GALNTL6: variants seen among roughly 807,000 people sequenced by gnomAD.
GALNTL6 encodes polypeptide N-acetylgalactosaminyltransferase like 6, also known as polypeptide N-acetylgalactosaminyltransferase-like 6.
A neutral mutation model predicts 73.7 loss-of-function variants in GALNTL6; 46 were observed. The ratio of observed to expected loss-of-function variants is 0.62; its 90% CI spans 0.49 to 0.80. GALNTL6 has a LOEUF of 0.80. Ranked by LOEUF, GALNTL6 falls within the 30% of genes least tolerant of loss-of-function variation. The pLI, the probability that GALNTL6 is intolerant of heterozygous loss-of-function variation, is 0.00. For missense variants in GALNTL6, 604 were observed against 755.0 expected (o/e 0.80, Z 2.34); for synonymous variants, 259 against 263.7 (o/e 0.98, Z 0.17).
chr4:171,844,562 A>G (rs1165850642), intron 2 of GALNTL6, among the ~76,000 whole-genome samples: 3 of 152,146 alleles, frequency 2.0e-5, no homozygotes, highest in Non-Finnish European at 4.4e-5. Context: ...CTTTAGATGA[A>G]GTAGGCTAAT....
At chr4:172,899,302 G>A (rs1183392678) in intron 8 of GALNTL6, among the ~76,000 whole-genome samples, 1 of 152,186 alleles carries the variant, frequency 6.6e-6, no homozygotes, top group Non-Finnish European at 1.5e-5. Context: ...GTAGGCTTCA[G>A]AACATCTAGA....
chr4:171,973,255 G>T (rs1025135804), intron 2 of GALNTL6, among the ~76,000 whole-genome samples: 3 of 152,126 alleles, frequency 2.0e-5, no homozygotes, highest in Non-Finnish European at 4.4e-5. Flanking sequence ...AAAAAAGGAG[G>T]AGGGCGTGTA....
chr4:172,767,877 A>G (rs558029930), intron 5 of GALNTL6, among the ~76,000 whole-genome samples: 1 of 151,808 alleles, frequency 6.6e-6, no homozygotes, highest in Non-Finnish European at 1.5e-5. Context: ...ACCATGTTGA[A>G]CAGGATGATC....
chr4:172,611,858 A>T (rs1278505305), intron 5 of GALNTL6, among the ~76,000 whole-genome samples: 3 of 152,114 alleles, frequency 2.0e-5, no homozygotes. Flanking sequence ...CATAATGCAG[A>T]CAATTGTAGT....
rs141260787 is a variant in GALNTL6, at chr4:173,001,927, T to C, written c.1372-7251T>C. ...GTACATTGCTTGTGGGAATGTAAAATGGTTCAGCTACTGTGGAAAACACTT... is the reference window on the plus strand; with the variant it reads ...GTACATTGCTTGTGGGAATGTAAAACGGTTCAGCTACTGTGGAAAACACTT... On this transcript the variant is annotated intron_variant, in intron 10 of 12. Transcript: ENST00000506823. Among the ~76,000 whole-genome samples the C allele has an allele frequency of 4.2e-3, 640 of 152,302 alleles. 3 individuals carry two copies. Among genetic ancestry groups the C allele is most frequent in the African/African-American group, 0.015 (620 of 41,536 alleles).
intron 5 of GALNTL6, among the ~76,000 whole-genome samples, chr4:172,464,342 G>A (rs1444011773): frequency 1.3e-5 from 2 of 152,130 alleles, no homozygotes; most frequent in African/African-American, 2.4e-5. Flanking sequence ...ACCAGGCACT[G>A]TTCTAAATAT....
intron 2 of GALNTL6, among the ~76,000 whole-genome samples, chr4:172,122,900 C>T (rs1305711316): frequency 1.3e-5 from 2 of 152,170 alleles, no homozygotes; most frequent in Non-Finnish European, 1.5e-5. Flanking sequence ...CAGAAGAATT[C>T]AGGATCTAGT....
At chr4:171,943,070 A>T (rs1292241157) in intron 2 of GALNTL6, among the ~76,000 whole-genome samples, 1 of 152,212 alleles carries the variant, frequency 6.6e-6, no homozygotes, top group Non-Finnish European at 1.5e-5. Context: ...AGGGGGTAGG[A>T]TTGTTGTTTT....
At chr4:172,046,685 T>A (rs558842433) in intron 2 of GALNTL6, among the ~76,000 whole-genome samples, 1 of 152,294 alleles carries the variant, frequency 6.6e-6, no homozygotes, top group South Asian at 2.1e-4. Context: ...GAGGAATGTC[T>A]ATTCAGGCCC....
At chr4:172,598,915 G>A (rs1184788449) in intron 5 of GALNTL6, among the ~76,000 whole-genome samples, 1 of 151,978 alleles carries the variant, frequency 6.6e-6, no homozygotes, top group Non-Finnish European at 1.5e-5. Flanking sequence ...GAACAAACTG[G>A]TACAGTTTGT....
intron 5 of GALNTL6, among the ~76,000 whole-genome samples, chr4:172,359,599 C>A (rs139274517): frequency 1.2e-3 from 187 of 152,266 alleles, no homozygotes; most frequent in Admixed American, 2.6e-3. Flanking sequence ...CCAAACATTA[C>A]CCCTACTGGA....
chr4:172,042,465 G>A (rs1230666554), intron 2 of GALNTL6, among the ~76,000 whole-genome samples: 1 of 151,818 alleles, frequency 6.6e-6, no homozygotes, highest in Non-Finnish European at 1.5e-5. Flanking sequence ...TGCTCATTAA[G>A]CAAGTCTACT....
intron 3 of GALNTL6, among the ~76,000 whole-genome samples, chr4:172,251,431 A>G (rs1737868147): frequency 6.6e-6 from 1 of 152,176 alleles, no homozygotes; most frequent in Non-Finnish European, 1.5e-5. Context: ...AAGTTGACCC[A>G]TAAAATTAAC....
chr4:172,930,338 T>C (rs1561039880), intron 8 of GALNTL6, among the ~76,000 whole-genome samples: 1 of 151,902 alleles, frequency 6.6e-6, no homozygotes, highest in Non-Finnish European at 1.5e-5. Flanking sequence ...AAAAGATCAG[T>C]GGCGGGGGGA....
At chr4:171,969,448 G>A (rs1370904098) in intron 2 of GALNTL6, among the ~76,000 whole-genome samples, 3 of 152,192 alleles carry the variant, frequency 2.0e-5, no homozygotes, top group African/African-American at 7.2e-5. Context: ...TAATTGCTTA[G>A]TTAATGCTAG....
chr4:171,963,306 T>A (rs1285848216), intron 2 of GALNTL6, among the ~76,000 whole-genome samples: 1 of 152,150 alleles, frequency 6.6e-6, no homozygotes, highest in Non-Finnish European at 1.5e-5. Context: ...CTGATCTGTA[T>A]ATTTTTCAAT....
intron 5 of GALNTL6, among the ~76,000 whole-genome samples, chr4:172,521,888 A>C (rs1307130968): frequency 1.3e-5 from 2 of 152,206 alleles, no homozygotes; most frequent in African/African-American, 4.8e-5. Context: ...AATTCTTGCT[A>C]TCTAATCTTA....
intron 10 of GALNTL6, among the ~76,000 whole-genome samples, chr4:172,958,498 G>A (rs568968257): frequency 2.0e-5 from 3 of 152,256 alleles, no homozygotes; most frequent in African/African-American, 7.2e-5. Flanking sequence ...CCTTTTGTGA[G>A]TTTATATAAT....
chr4:172,207,541 A>T (rs893743964), intron 2 of GALNTL6, among the ~76,000 whole-genome samples: 1 of 152,188 alleles, frequency 6.6e-6, no homozygotes, highest in Non-Finnish European at 1.5e-5. Flanking sequence ...AAATAAATAG[A>T]TAAACTTTTT....
Sources: gnomAD v4.1 joint callset for allele counts (sites outside exome capture counted in the v4.1 genomes callset) on GRCh38, gnomAD v4.1.1 for gene constraint, MANE v1.5 for transcripts, NCBI Gene and HGNC (gene_info 2026-07-23, HGNC 2026-07-21) for gene names.